Variants in TBC1D8 observed in about 807,000 individuals in gnomAD.
TBC1D8 encodes TBC1 domain family member 8, also known as BUB2-like protein 1.
TBC1D8 carries 65 observed loss-of-function variants against 118.8 expected under a neutral mutation model. The ratio of observed to expected loss-of-function variants is 0.55; its 90% confidence interval spans 0.45 to 0.67. TBC1D8 has a LOEUF of 0.67. Among genes scored for constraint, TBC1D8 ranks in the 30% least tolerant of loss-of-function variants. TBC1D8 has a pLI of 0.00. For synonymous variants in TBC1D8, 566 were observed against 595.8 expected (o/e 0.95, Z 0.73); for missense variants, 1,376 against 1,471.2 (o/e 0.94, Z 1.06).
chr2:101,071,576 T>C (rs1232336164), intron 2 of TBC1D8, among the ~76,000 whole-genome samples: 1 of 152,216 alleles, frequency 6.6e-6, no homozygotes, highest in African/African-American at 2.4e-5. Context: ...AACTTAAGAA[T>C]GATGAAAGGT....
intron 3 of TBC1D8, among the ~76,000 whole-genome samples, chr2:101,056,232 C>T (rs1169349192): frequency 1.6e-5 from 2 of 125,350 alleles, no homozygotes; most frequent in Non-Finnish European, 3.4e-5. Flanking sequence ...TTGAGACAGT[C>T]TCGCTCTGTC....
In TBC1D8 at chr2:101,045,673, T is replaced by C. The variant is rs1040670665; in HGVS notation, c.872+4728A>G. On this transcript the variant is annotated intron_variant, in intron 5 of 19. Coordinates refer to ENST00000409318, the MANE Select transcript of TBC1D8 (RefSeq NM_001330348.2). The stretch of plus-strand genomic sequence containing the variant: ...TGCCTCATAAAGGAGCACATAAGGA[T>C]TTCCAGTGGCTCTACGTGATGTGCT... Among the ~76,000 whole-genome samples the C allele has an allele frequency of 1.3e-4, 20 of 152,264 alleles. No homozygotes were observed. The East Asian group carries it at 3.7e-3, about 28-fold the overall frequency.
At chr2:101,056,296 C>T (rs982074555) in intron 3 of TBC1D8, among the ~76,000 whole-genome samples, 2 of 151,564 alleles carry the variant, frequency 1.3e-5, no homozygotes, top group Non-Finnish European at 2.9e-5. Flanking sequence ...CTCTGCCTCC[C>T]GGGTTCATGC....
intron 2 of TBC1D8, among the ~76,000 whole-genome samples, chr2:101,084,730 G>A (rs1675489578): frequency 6.6e-6 from 1 of 152,072 alleles, no homozygotes; most frequent in African/African-American, 2.4e-5. Flanking sequence ...CACACACACA[G>A]CGCAGAATCT....
Position 101,007,803 on chromosome 2 carries a change from A to C in TBC1D8, c.*18T>G. The C allele has an allele frequency of 1.9e-6, 3 of 1,609,480 alleles. No individual in the cohort carries two copies. Among genetic ancestry groups the C allele is most frequent in the Non-Finnish European group, 2.5e-6 (3 of 1,177,046 alleles). ...TTTGGTATGGTGGACTCCAGTGTGC[A>C]TAGCAGCTGCTGTCTTGCTACAAGT... is the stretch of plus-strand genomic sequence containing the variant. On this transcript the variant is annotated 3_prime_UTR_variant, in exon 20 of 20. Coordinates refer to ENST00000409318, the MANE Select transcript of TBC1D8 (RefSeq NM_001330348.2).
At chr2:101,129,631 C>T (rs1022557235) in intron 1 of TBC1D8, among the ~76,000 whole-genome samples, 9 of 151,414 alleles carry the variant, frequency 5.9e-5, no homozygotes, top group South Asian at 2.1e-4. Context: ...AGCCCAAGTC[C>T]GTGGCGGCTC....
chr2:101,107,756 A>G (rs1435423724), intron 1 of TBC1D8, among the ~76,000 whole-genome samples: 1 of 152,248 alleles, frequency 6.6e-6, no homozygotes, highest in African/African-American at 2.4e-5. Context: ...AACCATTTAC[A>G]GTGTCAAAAA....
In TBC1D8 at chr2:101,032,332, G is replaced by A; in HGVS notation, c.1872C>T (p.Ala624=). ...CACACACAGCAACCAACAGCCAGAA[G>A]GCTTCCTCCTCCTTGGTGTACAGCA... The part of the protein sequence containing the change: ...VLLLYTKEEE[A]FWLLVAVCER... The change falls in exon 11 of 20, where the codon GCC becomes GCT. Residue 624 remains alanine (A), a synonymous_variant. Coordinates refer to ENST00000409318, the MANE Select transcript of TBC1D8 (RefSeq NM_001330348.2). 2 of 1,613,870 alleles carry A rather than the reference G, an allele frequency of 1.2e-6. No individual in the cohort carries two copies. Among genetic ancestry groups the A allele is most frequent in the South Asian group, 1.1e-5 (1 of 91,074 alleles).
chr2:101,029,155 G>A (rs191194135), intron 12 of TBC1D8, among the ~76,000 whole-genome samples: 294 of 152,280 alleles, frequency 1.9e-3, no homozygotes, highest in African/African-American at 6.7e-3. Context: ...CTGGGAGGCC[G>A]AGGAGGGTGG....
intron 17 of TBC1D8, among the ~76,000 whole-genome samples, chr2:101,021,410 A>T (rs968615352): frequency 2.0e-5 from 3 of 152,184 alleles, no homozygotes; most frequent in African/African-American, 7.2e-5. Context: ...AGGTGTCCTC[A>T]GACCCAGGGT....
At chr2:101,124,535 G>A (rs1357654002) in intron 1 of TBC1D8, among the ~76,000 whole-genome samples, 2 of 152,146 alleles carry the variant, frequency 1.3e-5, no homozygotes, top group Non-Finnish European at 2.9e-5. Flanking sequence ...AGTACACTCC[G>A]CTGGCTGAGG....
chr2:101,054,262 C>T lies in TBC1D8; in HGVS notation c.477G>A (p.Leu159=), dbSNP rs1682248500. ...AGTTGAACCTGGCCTCGAACTTCAC[C>T]AGGGCTTCTCGGAATTTCTCGGGTT... ...EEEPEKFREA[L]VKFEARFNFP... Residue 159 remains leucine, a synonymous_variant, in exon 4 of 20, where the codon CTG becomes CTA. Coordinates refer to ENST00000409318, the MANE Select transcript of TBC1D8 (RefSeq NM_001330348.2). The T allele has an allele frequency of 6.2e-7, 1 of 1,600,162 alleles. No homozygotes were observed. Among genetic ancestry groups the T allele is most frequent in the African/African-American group, 1.3e-5 (1 of 74,788 alleles).
At chr2:101,066,152 C>T (rs762710351) in intron 2 of TBC1D8, among the ~76,000 whole-genome samples, 2 of 151,852 alleles carry the variant, frequency 1.3e-5, no homozygotes, top group Admixed American at 6.6e-5. Context: ...GGTGTGGTGG[C>T]GGGTGCTGGT....
At chr2:101,116,171 G>A (rs1469667788) in intron 1 of TBC1D8, among the ~76,000 whole-genome samples, 1 of 152,180 alleles carries the variant, frequency 6.6e-6, no homozygotes, top group Non-Finnish European at 1.5e-5. Context: ...TGGGTGAGGA[G>A]GCAGGGAAGT....
At chr2:101,020,850 C>T (rs573624671) in intron 17 of TBC1D8, among the ~76,000 whole-genome samples, 7 of 152,338 alleles carry the variant, frequency 4.6e-5, no homozygotes, top group Non-Finnish European at 7.4e-5. Flanking sequence ...ACAAGGTCTA[C>T]ACTACCTGCC....
chr2:101,096,155 C>G (rs905699125), intron 1 of TBC1D8, among the ~76,000 whole-genome samples: 2 of 152,128 alleles, frequency 1.3e-5, no homozygotes, highest in Non-Finnish European at 2.9e-5. Flanking sequence ...AACTCCTAGG[C>G]TCAGACAATT....
intron 2 of TBC1D8, among the ~76,000 whole-genome samples, chr2:101,060,220 A>G (rs1682681698): frequency 6.6e-6 from 1 of 152,244 alleles, no homozygotes; most frequent in African/African-American, 2.4e-5. Flanking sequence ...ACAAGCCCTG[A>G]GTAGCAGACC....
intron 2 of TBC1D8, among the ~76,000 whole-genome samples, chr2:101,063,612 A>G (rs1682875429): frequency 6.6e-6 from 1 of 152,238 alleles, no homozygotes; most frequent in Non-Finnish European, 1.5e-5. Context: ...CACAAATTCC[A>G]CAAATCAATG....
Position 101,007,914 on chromosome 2 carries a change from G to T in TBC1D8, c.3375C>A (p.Ser1125=). The stretch of plus-strand genomic sequence containing the variant: ...GATTGATCTTGGCATTTTCAAGTTT[G>T]GATTTCATGTCCAGTGGCTTTTCAA... The part of the protein sequence containing the change: ...NFFEKPLDMK[S]KLENAKINQY... Residue 1125 remains serine (S), a synonymous_variant, in exon 20 of 20, where the codon TCC becomes TCA. Coordinates refer to ENST00000409318, the MANE Select transcript of TBC1D8 (RefSeq NM_001330348.2). 1 of 1,614,012 alleles carries T rather than the reference G, an allele frequency of 6.2e-7. No individual in the cohort carries two copies. The highest frequency in any genetic ancestry group is 1.1e-5 in the South Asian group (1 of 91,080).
Sources: allele counts gnomAD v4.1 joint callset (sites outside exome capture counted in the v4.1 genomes callset), GRCh38; gene constraint gnomAD v4.1.1; transcripts MANE v1.5; gene names NCBI Gene and HGNC (gene_info 2026-07-23, HGNC 2026-07-21).